Variants in PLCXD3 observed in about 807,000 individuals in gnomAD.
PLCXD3 encodes the protein phosphatidylinositol specific phospholipase C X domain containing 3, also known as PI-PLC X domain-containing protein 3.
Under a neutral mutation model 25.5 loss-of-function variants are expected in PLCXD3, and 19 were observed. That is an observed-to-expected ratio of 0.75 (90% CI 0.52 to 1.09). The LOEUF is 1.09. PLCXD3 is among the 50% of genes least tolerant of loss of function. PLCXD3 has a pLI of 0.00. For missense variants in PLCXD3, 411 were observed against 388.1 expected (o/e 1.06, Z -0.50); for synonymous variants, 174 against 137.6 (o/e 1.26, Z -1.85).
intron 2 of PLCXD3, among the ~76,000 whole-genome samples, chr5:41,372,694 G>C (rs956262987): frequency 6.6e-6 from 1 of 151,842 alleles, no homozygotes; most frequent in African/African-American, 2.4e-5. Flanking sequence ...CTTGAGCCCC[G>C]CCACCAACTG....
chr5:41,313,688 C>T lies in PLCXD3; in HGVS notation c.895G>A (p.Glu299Lys). 6.2e-7 allele frequency: 1 copy of T among 1,613,860 alleles called. No homozygotes were observed. ...ACAGTGCTGATAAAGTCACCAAGTT[C>T]TACAAAATCGGCAGTGACAATATTG... ...GINIVTADFV[E>K]LGDFISTVIK... Residue 299 changes from glutamate to lysine, a missense_variant, in exon 3 of 3, where the codon GAA (glutamate) becomes AAA (lysine). By Grantham distance (56) the Glu-to-Lys change is moderately conservative (BLOSUM62 1). Transcript: ENST00000377801.
intron 1 of PLCXD3, among the ~76,000 whole-genome samples, chr5:41,385,287 C>T (rs148320349): frequency 2.1e-3 from 317 of 152,182 alleles, no homozygotes; most frequent in Non-Finnish European, 3.5e-3. Context: ...GGGCTTCTGA[C>T]CTTTTATTCT....
chr5:41,419,318 G>A (rs938729818), intron 1 of PLCXD3, among the ~76,000 whole-genome samples: 1 of 151,976 alleles, frequency 6.6e-6, no homozygotes, highest in Non-Finnish European at 1.5e-5. Flanking sequence ...TAATAAAAAG[G>A]ACCTCACAAA....
intron 1 of PLCXD3, among the ~76,000 whole-genome samples, chr5:41,396,518 G>A (rs1038000868): frequency 1.3e-5 from 2 of 152,092 alleles, no homozygotes; most frequent in Non-Finnish European, 2.9e-5. Flanking sequence ...TGTGAGAATG[G>A]ACTAATACAG....
At chr5:41,449,897 T>A (rs2150513781) in intron 1 of PLCXD3, among the ~76,000 whole-genome samples, 1 of 152,164 alleles carries the variant, frequency 6.6e-6, no homozygotes, top group South Asian at 2.1e-4. Context: ...TCTTAAAGCA[T>A]AAATATTGAA....
At chr5:41,491,596 T>C (rs1424513653) in intron 1 of PLCXD3, among the ~76,000 whole-genome samples, 1 of 152,152 alleles carries the variant, frequency 6.6e-6, no homozygotes, top group Non-Finnish European at 1.5e-5. Context: ...TGTAAGGACT[T>C]ACTTTATGAA....
chr5:41,419,868 T>TAAG (rs1250742505), intron 1 of PLCXD3, among the ~76,000 whole-genome samples: 1 of 152,170 alleles, frequency 6.6e-6, no homozygotes, highest in African/African-American at 2.4e-5. Context: ...GCACTGTGCT[T>TAAG]AAGTGCCAAA....
At chr5:41,466,874 G>T (rs887736527) in intron 1 of PLCXD3, among the ~76,000 whole-genome samples, 1 of 151,968 alleles carries the variant, frequency 6.6e-6, no homozygotes, top group Non-Finnish European at 1.5e-5. Context: ...ATACTGTCAC[G>T]AGTGACAGAA....
At chr5:41,477,002 C>T (rs576223023) in intron 1 of PLCXD3, among the ~76,000 whole-genome samples, 18 of 152,244 alleles carry the variant, frequency 1.2e-4, no homozygotes, top group South Asian at 2.1e-4. Flanking sequence ...TGACAATGTT[C>T]TTCCCATTTC....
chr5:41,453,540 G>T (rs77593926), intron 1 of PLCXD3, among the ~76,000 whole-genome samples: 2 of 151,640 alleles, frequency 1.3e-5, no homozygotes, highest in Non-Finnish European at 2.9e-5. Flanking sequence ...CATTTATCGT[G>T]GTCAAGTTAT....
At chr5:41,396,722 C>G (rs994331087) in intron 1 of PLCXD3, among the ~76,000 whole-genome samples, 13 of 152,154 alleles carry the variant, frequency 8.5e-5, no homozygotes, top group African/African-American at 3.1e-4. Context: ...GTGATATGGA[C>G]AGTGAAGTCA....
intron 1 of PLCXD3, among the ~76,000 whole-genome samples, chr5:41,457,835 C>G (rs1309443474): frequency 1.3e-5 from 2 of 151,862 alleles, no homozygotes; most frequent in Non-Finnish European, 1.5e-5. Context: ...TGGGCCTTCC[C>G]TATCCTCTGT....
At chr5:41,433,493 C>T (rs1747165593) in intron 1 of PLCXD3, among the ~76,000 whole-genome samples, 1 of 152,160 alleles carries the variant, frequency 6.6e-6, no homozygotes, top group Non-Finnish European at 1.5e-5. Flanking sequence ...TCCCCTCAAT[C>T]ATTGCCTAAA....
intron 1 of PLCXD3, among the ~76,000 whole-genome samples, chr5:41,494,332 G>T (rs1748788358): frequency 6.6e-6 from 1 of 152,174 alleles, no homozygotes; most frequent in African/African-American, 2.4e-5. Context: ...CAGGAAAACT[G>T]GTTTGAAGAA....
chr5:41,472,394 A>T (rs1269044513), intron 1 of PLCXD3, among the ~76,000 whole-genome samples: 3 of 152,122 alleles, frequency 2.0e-5, no homozygotes, highest in Non-Finnish European at 4.4e-5. Context: ...CTCTAACTAT[A>T]CTGTTTTTCT....
intron 2 of PLCXD3, among the ~76,000 whole-genome samples, chr5:41,328,221 A>C (rs1561233369): frequency 6.6e-6 from 1 of 152,180 alleles, no homozygotes; most frequent in African/African-American, 2.4e-5. Flanking sequence ...TAGTACATGT[A>C]GAATGATGAG....
chr5:41,484,052 A>G (rs188105365), intron 1 of PLCXD3, among the ~76,000 whole-genome samples: 13 of 152,278 alleles, frequency 8.5e-5, no homozygotes, highest in Admixed American at 5.9e-4. Flanking sequence ...GCAAAAAGGC[A>G]TTAAGTGACT....
chr5:41,397,805 T>C (rs1746055592), intron 1 of PLCXD3, among the ~76,000 whole-genome samples: 1 of 152,216 alleles, frequency 6.6e-6, no homozygotes, highest in African/African-American at 2.4e-5. Context: ...GGCCTGAATG[T>C]GACACATAGA....
At chr5:41,396,219 G>A (rs1355163070) in intron 1 of PLCXD3, among the ~76,000 whole-genome samples, 1 of 152,140 alleles carries the variant, frequency 6.6e-6, no homozygotes, top group Non-Finnish European at 1.5e-5. Context: ...TTGGTGGGAG[G>A]TGATTAGATT....
Sources: gnomAD v4.1 joint callset for allele counts (sites outside exome capture counted in the v4.1 genomes callset) on GRCh38, gnomAD v4.1.1 for gene constraint, MANE v1.5 for transcripts, NCBI Gene and HGNC (gene_info 2026-07-23, HGNC 2026-07-21) for gene names.